RAD18: variants seen among roughly 807,000 people sequenced by gnomAD.
RAD18 encodes the protein RAD18 E3 ubiquitin protein ligase.
RAD18 carries 47 observed loss-of-function variants against 60.4 expected under a neutral mutation model. The ratio of observed to expected loss-of-function variants is 0.78; its 90% CI spans 0.62 to 0.99. RAD18 has a LOEUF of 0.99. RAD18 is among the 50% of genes least tolerant of loss of function. The probability of loss-of-function intolerance (pLI) is 0.00; values close to 1 mark genes in which losing one functional copy is unlikely to be tolerated. For missense variants in RAD18, 640 were observed against 593.3 expected (o/e 1.08, Z -0.82); for synonymous variants, 225 against 195.5 (o/e 1.15, Z -1.26).
chr3:8,959,114 A>C (rs938690886), intron 1 of RAD18, 113 bp from the exon 2 acceptor site: 46 of 811,432 alleles, frequency 5.7e-5, no homozygotes, highest in Non-Finnish European at 9.2e-5. Flanking sequence ...TGTCAAATAC[A>C]CAAATTCAAA....
At chr3:8,898,523 T>G (rs1939840258) in intron 11 of RAD18, among the ~76,000 whole-genome samples, 1 of 152,194 alleles carries the variant, frequency 6.6e-6, no homozygotes, top group Non-Finnish European at 1.5e-5. Context: ...AAATTTTTCA[T>G]TTCTTAACCC....
intron 9 of RAD18, among the ~76,000 whole-genome samples, chr3:8,905,128 G>A (rs1166717089): frequency 6.6e-6 from 1 of 152,220 alleles, no homozygotes. Flanking sequence ...ATACTGCAGA[G>A]TTTAAAATCT....
intron 7 of RAD18, among the ~76,000 whole-genome samples, chr3:8,918,101 T>C (rs1940240158): frequency 6.6e-6 from 1 of 152,068 alleles, no homozygotes; most frequent in Admixed American, 6.5e-5. Context: ...GTGGATCACC[T>C]GAGGTCAGGA....
Position 8,877,416 on chromosome 3 carries a change from C to A in RAD18, c.*3941G>T, listed in dbSNP as rs1391029941. ...AAGCCCTTTTAGAAGGACCGTGACC[C>A]CATCTATAAGAGCTGTGCCCTCACG... On this transcript the variant is annotated 3_prime_UTR_variant, in exon 13 of 13. Transcript: ENST00000264926. 1 of 152,164 alleles carries A rather than the reference C, an allele frequency of 6.6e-6. No individual in the cohort carries two copies. The highest frequency in any genetic ancestry group is 2.4e-5 in the African/African-American group (1 of 41,422). The allele number at this position is 152,164 out of a possible 1,614,324, so 9.4% of individuals were successfully genotyped here.
chr3:8,959,681 C>T (rs192045127), intron 1 of RAD18, among the ~76,000 whole-genome samples: 19 of 152,234 alleles, frequency 1.2e-4, no homozygotes, highest in Non-Finnish European at 2.4e-4. Flanking sequence ...GAATGCAATC[C>T]AAACAGGAAC....
chr3:8,954,665 T>A (rs1940980129), intron 2 of RAD18, among the ~76,000 whole-genome samples: 1 of 152,204 alleles, frequency 6.6e-6, no homozygotes, highest in Admixed American at 6.5e-5. Flanking sequence ...TTATTACTCA[T>A]ATCCAAAAAC....
At chr3:8,928,823 T>C (rs1053804980) in intron 7 of RAD18, among the ~76,000 whole-genome samples, 5 of 151,412 alleles carry the variant, frequency 3.3e-5, no homozygotes, top group African/African-American at 1.2e-4. Flanking sequence ...TATGCAATAT[T>C]CACCAGGAAG....
At chr3:8,914,981 A>T (rs1361576623) in intron 7 of RAD18, among the ~76,000 whole-genome samples, 1 of 151,680 alleles carries the variant, frequency 6.6e-6, no homozygotes, top group African/African-American at 2.4e-5. Flanking sequence ...CACTAAAAAT[A>T]AAAAAAAATT....
chr3:8,909,679 A>G (rs2125053830), intron 9 of RAD18, among the ~76,000 whole-genome samples: 1 of 152,324 alleles, frequency 6.6e-6, no homozygotes, highest in African/African-American at 2.4e-5. Flanking sequence ...TTATCAATCA[A>G]TAATAAACGG....
chr3:8,933,472 T>C (rs367621), intron 7 of RAD18, among the ~76,000 whole-genome samples: 100,510 of 152,046 alleles, frequency 0.66, 34,181 homozygotes, highest in Middle Eastern at 0.76. Context: ...GAGTAAGTTA[T>C]ACATCAATAA....
intron 5 of RAD18, among the ~76,000 whole-genome samples, chr3:8,940,515 G>C (rs1465031836): frequency 6.6e-6 from 1 of 152,186 alleles, no homozygotes; most frequent in East Asian, 1.9e-4. Context: ...TTCAATCTAA[G>C]TTTAATACAC....
intron 7 of RAD18, among the ~76,000 whole-genome samples, chr3:8,926,762 A>T (rs1047350435): frequency 3.3e-5 from 5 of 152,224 alleles, no homozygotes; most frequent in Non-Finnish European, 7.3e-5. Context: ...CCGCATATCT[A>T]CGACTATCTG....
intron 1 of RAD18, among the ~76,000 whole-genome samples, chr3:8,960,035 T>C (rs1268500701): frequency 1.3e-5 from 2 of 152,208 alleles, no homozygotes. Context: ...CTAATAGGCC[T>C]AGCATGGTGG....
chr3:8,950,163 T>C (rs772112243), intron 2 of RAD18, among the ~76,000 whole-genome samples: 23 of 152,104 alleles, frequency 1.5e-4, no homozygotes, highest in Non-Finnish European at 3.1e-4. Context: ...CCCGAGTAGC[T>C]GGGATTACAG....
At chr3:8,947,028 A>G in intron 4 of RAD18, 192 bp downstream of exon 4, 1 of 555,368 alleles carries the variant, frequency 1.8e-6, no homozygotes, top group South Asian at 2.6e-5. Flanking sequence ...ACTACAGGAG[A>G]ATTTCTGTTA....
chr3:8,919,188 A>T (rs533856019), intron 7 of RAD18, among the ~76,000 whole-genome samples: 17 of 152,342 alleles, frequency 1.1e-4, no homozygotes, highest in Non-Finnish European at 2.1e-4. Context: ...TGGGAACTAA[A>T]TCATCATTAG....
At chr3:8,944,782 C>A (rs1178674335) in intron 4 of RAD18, among the ~76,000 whole-genome samples, 1 of 152,110 alleles carries the variant, frequency 6.6e-6, no homozygotes, top group Non-Finnish European at 1.5e-5. Context: ...TTTGGGTAGA[C>A]ATGGGCAGCC....
rs915036270 is a variant in RAD18 at position 8,916,908 on chromosome 3, G to A, written c.890-3188C>T. Among the ~76,000 whole-genome samples, 8 of 152,142 alleles carry A rather than the reference G, an allele frequency of 5.3e-5. No individual in the cohort carries two copies. The South Asian group carries it at 1.2e-3, about 24-fold the overall frequency. On this transcript the variant is annotated intron_variant, in intron 7 of 12. Transcript: ENST00000264926. ...AGAAATCACAGAAGAAGAAAAAAGGGAGGAGAAGAAATCGTTGAAGAACTG... is the reference window on the plus strand; with the variant it reads ...AGAAATCACAGAAGAAGAAAAAAGGAAGGAGAAGAAATCGTTGAAGAACTG...
chr3:8,930,624 TAAAA>T (rs1273227473), intron 7 of RAD18, among the ~76,000 whole-genome samples: 2 of 152,012 alleles, frequency 1.3e-5, no homozygotes, highest in Non-Finnish European at 2.9e-5. Context: ...ACAAAATAAA[TAAAA>T]ATATAATAAT....
Sources: allele counts gnomAD v4.1 joint callset (sites outside exome capture counted in the v4.1 genomes callset), GRCh38; gene constraint gnomAD v4.1.1; transcripts MANE v1.5; gene names NCBI Gene and HGNC (gene_info 2026-07-23, HGNC 2026-07-21).